KLRG1: variants seen among roughly 807,000 people sequenced by gnomAD.
The protein encoded by KLRG1 is killer cell lectin like receptor G1.
KLRG1 carries 16 observed loss-of-function variants against 21.8 expected under a neutral mutation model. The observed-to-expected ratio is 0.73, with a 90% confidence interval of 0.50 to 1.11. The LOEUF (loss-of-function observed/expected upper bound fraction) is 1.11. Ranked by LOEUF, KLRG1 falls within the 50% of genes most tolerant of loss-of-function variation. The pLI is 0.00. For synonymous variants in KLRG1, 69 were observed against 75.9 expected, an observed-to-expected ratio of 0.91 and a Z score of 0.47; for missense variants, 173 against 218.3, an observed-to-expected ratio of 0.79 and a Z score of 1.31.
the KLRG1 span, chr12:9,079,603 A>G: frequency 6.3e-7 from 1 of 1,583,420 alleles, no homozygotes; most frequent in Admixed American, 1.7e-5. Context: ...AGTTGAAATA[A>G]CATTCAAGTT....
chr12:9,121,811 T>C, the KLRG1 span, among the ~76,000 whole-genome samples: 9 of 152,246 alleles, frequency 5.9e-5, no homozygotes, highest in Non-Finnish European at 1.3e-4. The surrounding 1 kb of genome is among the most constrained non-coding windows in gnomAD (Gnocchi z 4.4). Context: ...CATTGTGAAT[T>C]TGCTATGTAT....
intron 1 of KLRG1, among the ~76,000 whole-genome samples, chr12:8,961,499 A>T (rs1190400894): frequency 6.6e-6 from 1 of 152,028 alleles, no homozygotes; most frequent in East Asian, 1.9e-4. Flanking sequence ...TGCAACCTCC[A>T]TCTCCCAGGT....
the KLRG1 span, among the ~76,000 whole-genome samples, chr12:9,195,167 A>G: frequency 1.3e-5 from 2 of 152,196 alleles, no homozygotes; most frequent in Non-Finnish European, 2.9e-5. Flanking sequence ...ATCTTCAAAA[A>G]TTATTTGAAT....
the KLRG1 span, chr12:9,149,102 G>T: frequency 1.1e-6 from 1 of 946,562 alleles, no homozygotes; most frequent in Non-Finnish European, 1.7e-6. Context: ...CTTTGTGAAA[G>T]GCCAGATGGT....
chr12:9,203,483 G>A, the KLRG1 span, among the ~76,000 whole-genome samples: 1 of 151,616 alleles, frequency 6.6e-6, no homozygotes, highest in Non-Finnish European at 1.5e-5. Flanking sequence ...CTGGGACTAC[G>A]GGCGCCTGCC....
chr12:9,123,053 CAT>C, the KLRG1 span, among the ~76,000 whole-genome samples: 8 of 152,086 alleles, frequency 5.3e-5, no homozygotes, highest in South Asian at 2.1e-4. Flanking sequence ...GAAAATAAAA[CAT>C]GTTAATTTTT....
chr12:8,960,328 G>T (rs766484603), intron 1 of KLRG1, among the ~76,000 whole-genome samples: 1 of 152,134 alleles, frequency 6.6e-6, no homozygotes, highest in Non-Finnish European at 1.5e-5. Context: ...AGAGAGATGC[G>T]CAAAGAGTGA....
chr12:9,050,215 T>C, the KLRG1 span, among the ~76,000 whole-genome samples: 1 of 152,200 alleles, frequency 6.6e-6, no homozygotes, highest in Non-Finnish European at 1.5e-5. Context: ...TTTTAAGAAG[T>C]GGAATATCCT....
At chr12:9,016,855 C>T in the KLRG1 span, among the ~76,000 whole-genome samples, 1 of 151,956 alleles carries the variant, frequency 6.6e-6, no homozygotes, top group Non-Finnish European at 1.5e-5. Context: ...TGCAAGTGAT[C>T]CACCTGCCTC....
At chr12:9,192,458 A>G in the KLRG1 span, 6 of 1,511,818 alleles carry the variant, frequency 4.0e-6, no homozygotes, top group Non-Finnish European at 5.5e-6. Flanking sequence ...GAGCCTATTG[A>G]CCACTTTTGT....
At chr12:9,095,278 T>C in the KLRG1 span, among the ~76,000 whole-genome samples, 8 of 152,230 alleles carry the variant, frequency 5.3e-5, no homozygotes, top group Admixed American at 2.6e-4. Flanking sequence ...TCAACAGTAA[T>C]TATTTTGTAT....
chr12:9,096,377 A>G, the KLRG1 span, among the ~76,000 whole-genome samples: 1 of 152,224 alleles, frequency 6.6e-6, no homozygotes, highest in Non-Finnish European at 1.5e-5. Context: ...TTGAGATGAT[A>G]GAAGGAAATG....
chr12:9,112,161 A>G, the KLRG1 span: 6 of 1,613,596 alleles, frequency 3.7e-6, no homozygotes, highest in Non-Finnish European at 5.1e-6. Context: ...AAACTCACCA[A>G]CTCATTCAGG....
chr12:8,951,298 C>A (rs775827191), intron 1 of KLRG1, among the ~76,000 whole-genome samples: 157 of 73,752 alleles, frequency 2.1e-3, no homozygotes, highest in Non-Finnish European at 3.8e-3. Context: ...CATAGTGAGA[C>A]CCCTTCTTTC....
chr12:9,127,161 G>A, the KLRG1 span, among the ~76,000 whole-genome samples: 1 of 152,152 alleles, frequency 6.6e-6, no homozygotes, highest in Admixed American at 6.5e-5. Context: ...AGTCCTCCTA[G>A]GAATTGATTC....
intron 3 of KLRG1, among the ~76,000 whole-genome samples, chr12:8,996,020 T>A (rs1947120786): frequency 6.6e-6 from 1 of 152,126 alleles, no homozygotes; most frequent in African/African-American, 2.4e-5. Context: ...AAGATAGAGA[T>A]CACGGGGACA....
At chr12:9,162,635 T>G in the KLRG1 span, 3 of 1,593,576 alleles carry the variant, frequency 1.9e-6, no homozygotes, top group South Asian at 3.3e-5. Context: ...CTTTTCTTGC[T>G]CAATACCTTC....
At chr12:8,981,392 A>T (rs1289118943) in intron 1 of KLRG1, among the ~76,000 whole-genome samples, 1 of 151,980 alleles carries the variant, frequency 6.6e-6, no homozygotes, top group Non-Finnish European at 1.5e-5. Context: ...ATTCATTTAA[A>T]ACTACAGTAT....
the KLRG1 span, among the ~76,000 whole-genome samples, chr12:9,062,500 A>G: frequency 6.8e-6 from 1 of 147,110 alleles, no homozygotes; most frequent in South Asian, 2.1e-4. Context: ...TGTATAAAGA[A>G]TCACCTGACA....
Sources: allele counts gnomAD v4.1 joint callset (sites outside exome capture counted in the v4.1 genomes callset), GRCh38; gene constraint gnomAD v4.1.1; non-coding constraint Gnocchi (gnomAD v3.1); transcripts MANE v1.5; gene names NCBI Gene and HGNC (gene_info 2026-07-23, HGNC 2026-07-21).